Variants in CDH12 observed in about 807,000 individuals in gnomAD.
CDH12 encodes the protein cadherin-12.
In CDH12, 41 loss-of-function variants were observed where a neutral mutation model predicts 74.1. The observed-to-expected ratio is 0.55, with a 90% CI of 0.43 to 0.72. The LOEUF (loss-of-function observed/expected upper bound fraction) is 0.72. Among genes scored for constraint, CDH12 ranks in the 30% least tolerant of loss-of-function variants. CDH12 has a pLI of 0.00. For synonymous variants in CDH12, 399 were observed against 355.0 expected (o/e 1.12, Z -1.39); for missense variants, 945 against 977.2 (o/e 0.97, Z 0.44).
intron 5 of CDH12, among the ~76,000 whole-genome samples, chr5:22,025,089 GATTTAGT>G (rs1466360913): frequency 1.3e-5 from 2 of 151,982 alleles, no homozygotes; most frequent in Non-Finnish European, 2.9e-5. Flanking sequence ...CACCATCCCT[GATTTAGT>G]ATTTAGAATT....
chr5:22,725,535 A>G (rs766075999), intron 1 of CDH12, among the ~76,000 whole-genome samples: 25 of 151,856 alleles, frequency 1.6e-4, no homozygotes, highest in Non-Finnish European at 2.5e-4. Context: ...TAGACTAAGT[A>G]TCTTATAAGC....
intron 1 of CDH12, among the ~76,000 whole-genome samples, chr5:22,640,599 G>T (rs1291777424): frequency 4.6e-5 from 7 of 152,044 alleles, no homozygotes; most frequent in Non-Finnish European, 7.4e-5. Flanking sequence ...TGGTCCAGTT[G>T]TCATGTTCTC....
intron 1 of CDH12, among the ~76,000 whole-genome samples, chr5:22,727,433 T>C: frequency 6.6e-6 from 1 of 151,730 alleles, no homozygotes; most frequent in Non-Finnish European, 1.5e-5. Context: ...CTCATCTTGC[T>C]AGAAAAGACA....
chr5:22,685,714 G>A (rs76769197), intron 1 of CDH12, among the ~76,000 whole-genome samples: 2,241 of 152,212 alleles, frequency 0.015, 25 homozygotes, highest in Non-Finnish European at 0.018. Context: ...CATCAATGTC[G>A]TAACATGCAT....
At chr5:22,801,686 C>G (rs780187) in intron 1 of CDH12, among the ~76,000 whole-genome samples, 1 of 60,528 alleles carries the variant, frequency 1.7e-5, no homozygotes, top group Admixed American at 2.0e-4. Context: ...TATATATATA[C>G]ACTTTGTTTA....
intron 4 of CDH12, among the ~76,000 whole-genome samples, chr5:22,205,053 T>C (rs182144030): frequency 6.6e-6 from 1 of 152,348 alleles, no homozygotes; most frequent in East Asian, 1.9e-4. Flanking sequence ...AGGTACACAA[T>C]AGTTACTGAG....
chr5:22,412,037 A>T lies in CDH12; in HGVS notation c.-427-6686T>A, dbSNP rs1372578918. 3.3e-5 allele frequency among the ~76,000 whole-genome samples: 5 copies of T among 152,026 alleles called. No individual in the cohort carries two copies. In the East Asian group the frequency reaches 5.8e-4, roughly 18 times the overall value. ...TTTTAAAGCACAATTGTTTCTAATT[A>T]AAAAATTTATTCCTACACCATCATA... On this transcript the variant is annotated intron_variant, in intron 2 of 14. Transcript: ENST00000382254.
In CDH12 at chr5:22,435,112, C is replaced by T. The variant is rs113551325; in HGVS notation, c.-427-29761G>A. ...CAAAGGAGATTAACATTTGAGTCAG[C>T]GGCTGGGAAAGGTAGACCTACCCTT... On this transcript the variant is annotated intron_variant, in intron 2 of 14. Transcript: ENST00000382254. 6.3e-3 allele frequency among the ~76,000 whole-genome samples: 963 copies of T among 152,138 alleles called. 10 individuals carry two copies. Among genetic ancestry groups the T allele is most frequent in the African/African-American group, 0.022 (919 of 41,490 alleles).
At chr5:21,988,990 T>G (rs1247525896) in intron 5 of CDH12, among the ~76,000 whole-genome samples, 2 of 151,994 alleles carry the variant, frequency 1.3e-5, no homozygotes, top group African/African-American at 2.4e-5. Flanking sequence ...ATTTGAGGAG[T>G]CTTTAGAGTT....
At chr5:22,407,530 A>ATT (rs71609763) in intron 2 of CDH12, among the ~76,000 whole-genome samples, 18 of 151,388 alleles carry the variant, frequency 1.2e-4, no homozygotes, top group East Asian at 1.2e-3. Flanking sequence ...GTAAAAGATG[A>ATT]TTTTTTTTTG....
intron 3 of CDH12, chr5:22,213,546 C>G (rs1168299927): frequency 6.6e-6 from 1 of 152,106 alleles, no homozygotes; most frequent in Admixed American, 6.6e-5. Context: ...AGCTATGTGC[C>G]GTTACCAACC....
intron 4 of CDH12, among the ~76,000 whole-genome samples, chr5:22,137,361 T>C (rs368857736): frequency 3.3e-5 from 5 of 152,138 alleles, no homozygotes. Context: ...TAATTCTACA[T>C]CTCCCTAAAG....
chr5:21,863,838 G>A (rs868097651), intron 6 of CDH12, among the ~76,000 whole-genome samples: 2 of 152,076 alleles, frequency 1.3e-5, no homozygotes, highest in African/African-American at 2.4e-5. Context: ...TAACATGAAC[G>A]TTTCTCAGAA....
intron 1 of CDH12, among the ~76,000 whole-genome samples, chr5:22,512,488 T>G (rs939438090): frequency 3.3e-5 from 5 of 152,016 alleles, no homozygotes; most frequent in Non-Finnish European, 5.9e-5. Context: ...GGGCACTAGT[T>G]TGGGGTAAGT....
At chr5:22,115,445 G>T (rs1181173810) in intron 4 of CDH12, among the ~76,000 whole-genome samples, 1 of 152,114 alleles carries the variant, frequency 6.6e-6, no homozygotes, top group Non-Finnish European at 1.5e-5. Flanking sequence ...CAGCTAAAAA[G>T]ACATTACAAT....
chr5:21,774,517 ATTTCCCCTAATAAACTCCTT>A (rs915012261), intron 11 of CDH12: 1 of 152,090 alleles, frequency 6.6e-6, no homozygotes, highest in Non-Finnish European at 1.5e-5. Context: ...CATGTGAGTC[ATTTCCCCTAATAAACTCCTT>A]TTCATACATT....
intron 3 of CDH12, among the ~76,000 whole-genome samples, chr5:22,242,353 T>A (rs1168437418): frequency 6.6e-6 from 1 of 152,210 alleles, no homozygotes; most frequent in Non-Finnish European, 1.5e-5. Flanking sequence ...GACACTTCTA[T>A]ATTTTTCGTT....
At chr5:22,233,990 C>A (rs1455930049) in intron 3 of CDH12, among the ~76,000 whole-genome samples, 2 of 151,950 alleles carry the variant, frequency 1.3e-5, no homozygotes, top group Non-Finnish European at 1.5e-5. Context: ...TTATATAAAA[C>A]AAAGGGCTTA....
At chr5:22,583,593 T>A (rs1433674639) in intron 1 of CDH12, among the ~76,000 whole-genome samples, 9 of 152,284 alleles carry the variant, frequency 5.9e-5, no homozygotes, top group Middle Eastern at 3.4e-3. Flanking sequence ...GTAGAGGTTA[T>A]TTGCCTTGGA....
Sources: allele counts gnomAD v4.1 joint callset (sites outside exome capture counted in the v4.1 genomes callset), GRCh38; gene constraint gnomAD v4.1.1; transcripts MANE v1.5; gene names NCBI Gene and HGNC (gene_info 2026-07-23, HGNC 2026-07-21).